The following LINGO2 variants were observed in gnomAD, a reference collection of about 807,000 sequenced individuals.
The protein encoded by LINGO2 is leucine rich repeat and Ig domain containing 2.
A neutral mutation model predicts 30.6 loss-of-function variants in LINGO2; 14 were observed. That is an observed-to-expected ratio of 0.46 (90% CI 0.30 to 0.72). The LOEUF is 0.72. Among genes scored for constraint, LINGO2 ranks in the 30% least tolerant of loss-of-function variants. The probability of loss-of-function intolerance (pLI) is 0.07; values close to 1 mark genes in which losing one functional copy is unlikely to be tolerated. For missense variants in LINGO2, 729 were observed against 751.7 expected (o/e 0.97, Z 0.35); for synonymous variants, 317 against 288.5 (o/e 1.10, Z -1.00).
At chr9:28,890,327 T>C in the LINGO2 span, among the ~76,000 whole-genome samples, 2 of 152,068 alleles carry the variant, frequency 1.3e-5, no homozygotes, top group African/African-American at 4.8e-5. Flanking sequence ...TGAGACCATA[T>C]CTCCATATAA....
chr9:28,463,147 T>C (rs773863970), intron 2 of LINGO2, among the ~76,000 whole-genome samples: 14 of 152,190 alleles, frequency 9.2e-5, no homozygotes, highest in Non-Finnish European at 1.5e-4. Context: ...CAAATTTTAT[T>C]GTTTCACAAG....
intron 1 of LINGO2, among the ~76,000 whole-genome samples, chr9:28,628,495 T>C (rs1826788761): frequency 6.6e-6 from 1 of 152,106 alleles, no homozygotes; most frequent in South Asian, 2.1e-4. Flanking sequence ...AGAAGGTTCC[T>C]CAGTACTTTA....
the LINGO2 span, among the ~76,000 whole-genome samples, chr9:28,708,701 C>T: frequency 2.6e-5 from 4 of 151,836 alleles, no homozygotes; most frequent in Admixed American, 1.3e-4. Flanking sequence ...GCCTCAGCCA[C>T]CCTCCAGATC....
At chr9:28,157,682 A>C (rs56753124) in intron 4 of LINGO2, among the ~76,000 whole-genome samples, 10,363 of 152,190 alleles carry the variant, frequency 0.068, 432 homozygotes, top group African/African-American at 0.11. Context: ...ACTGACTTTA[A>C]CAGCACCCAA....
chr9:28,652,324 A>G (rs1420526801), intron 1 of LINGO2, among the ~76,000 whole-genome samples: 1 of 152,170 alleles, frequency 6.6e-6, no homozygotes, highest in Admixed American at 6.5e-5. Context: ...GATACCAACT[A>G]CTAAGTTGGC....
chr9:28,630,825 C>A (rs1380113057), intron 1 of LINGO2, among the ~76,000 whole-genome samples: 1 of 151,706 alleles, frequency 6.6e-6, no homozygotes, highest in South Asian at 2.1e-4. Context: ...TGAGAGTATG[C>A]AGACTATTTT....
the LINGO2 span, among the ~76,000 whole-genome samples, chr9:28,785,870 C>T: frequency 7.2e-6 from 1 of 139,740 alleles, no homozygotes; most frequent in Non-Finnish European, 1.7e-5. Context: ...TGTAGACCTA[C>T]AGTTTGTCAA....
At chr9:28,152,512 G>T (rs1055017158) in intron 4 of LINGO2, among the ~76,000 whole-genome samples, 1 of 151,950 alleles carries the variant, frequency 6.6e-6, no homozygotes, top group African/African-American at 2.4e-5. Context: ...TTTCTTTATA[G>T]CAACACAAAC....
chr9:29,172,805 C>A, the LINGO2 span, among the ~76,000 whole-genome samples: 1 of 151,910 alleles, frequency 6.6e-6, no homozygotes, highest in African/African-American at 2.4e-5. Flanking sequence ...CATGGACCAT[C>A]CATGACTTAT....
At chr9:28,582,824 A>G (rs1483344259) in intron 1 of LINGO2, among the ~76,000 whole-genome samples, 1 of 152,102 alleles carries the variant, frequency 6.6e-6, no homozygotes, top group Non-Finnish European at 1.5e-5. Context: ...GAACCTTTTT[A>G]TGGTTGAACC....
At chr9:28,923,856 A>C in the LINGO2 span, among the ~76,000 whole-genome samples, 6 of 152,266 alleles carry the variant, frequency 3.9e-5, no homozygotes, top group South Asian at 4.2e-4. Flanking sequence ...GCAAGTAAAG[A>C]GGGGGTAAAT....
At chr9:28,426,536 T>C (rs1439913022) in intron 2 of LINGO2, among the ~76,000 whole-genome samples, 1 of 152,036 alleles carries the variant, frequency 6.6e-6, no homozygotes, top group Non-Finnish European at 1.5e-5. Context: ...ATCAAAACAT[T>C]GTTTGTTTTG....
chr9:28,354,285 G>A (rs569598189), intron 3 of LINGO2, among the ~76,000 whole-genome samples: 1 of 152,274 alleles, frequency 6.6e-6, no homozygotes, highest in Non-Finnish European at 1.5e-5. Context: ...GATGTACTAT[G>A]TTGCGGTTCA....
At chr9:28,792,813 A>G in the LINGO2 span, among the ~76,000 whole-genome samples, 4 of 152,174 alleles carry the variant, frequency 2.6e-5, no homozygotes, top group South Asian at 4.1e-4. Context: ...ATTTTCTCCA[A>G]TTATTGTCCT....
At chr9:28,188,910 T>A (rs974680369) in intron 4 of LINGO2, among the ~76,000 whole-genome samples, 7 of 152,166 alleles carry the variant, frequency 4.6e-5, no homozygotes, top group African/African-American at 1.7e-4. Context: ...ACATAATCCA[T>A]CCTTAATTGC....
chr9:28,329,816 A>G lies in LINGO2; in HGVS notation c.-245-34450T>C, dbSNP rs1452349242. On this transcript the variant is annotated intron_variant, in intron 3 of 5. Transcript: ENST00000379992. The surrounding 1 kb of genome is among the most constrained non-coding windows in gnomAD (Gnocchi z 4.5). ...TTAGATAGCCATCCTCTGGGGTTTT[A>G]TATCACCTTGTGCATATCTCTATGA... is the stretch of plus-strand genomic sequence containing the variant. 6.6e-6 allele frequency among the ~76,000 whole-genome samples: 1 copy of G among 152,114 alleles called. No individual in the cohort carries two copies. Among genetic ancestry groups the G allele is most frequent in the Non-Finnish European group, 1.5e-5 (1 of 68,028 alleles).
At chr9:28,242,764 C>G (rs539065174) in intron 4 of LINGO2, among the ~76,000 whole-genome samples, 1 of 152,194 alleles carries the variant, frequency 6.6e-6, no homozygotes, top group Non-Finnish European at 1.5e-5. Flanking sequence ...ATCAGATTAA[C>G]AGCAGACCTC....
intron 5 of LINGO2, among the ~76,000 whole-genome samples, chr9:27,981,969 C>T (rs1381757229): frequency 6.6e-6 from 1 of 151,834 alleles, no homozygotes; most frequent in Non-Finnish European, 1.5e-5. Flanking sequence ...AAAAGCCACA[C>T]CGTCTGATTC....
the LINGO2 span, among the ~76,000 whole-genome samples, chr9:28,860,488 C>A: frequency 5.9e-5 from 9 of 151,898 alleles, no homozygotes; most frequent in African/African-American, 1.9e-4. Context: ...AGACAGCTGC[C>A]CCATCTCATC....
Sources: gnomAD v4.1 joint callset for allele counts (sites outside exome capture counted in the v4.1 genomes callset) on GRCh38, gnomAD v4.1.1 for gene constraint, Gnocchi (gnomAD v3.1) non-coding constraint, MANE v1.5 for transcripts, NCBI Gene and HGNC (gene_info 2026-07-23, HGNC 2026-07-21) for gene names.